The following CDH8 variants were observed in gnomAD, a reference collection of about 807,000 sequenced individuals.
CDH8 encodes cadherin-8.
Under a neutral mutation model 68.1 loss-of-function variants are expected in CDH8, and 17 were observed. That is an observed-to-expected ratio of 0.25 (90% confidence interval 0.17 to 0.37). The LOEUF is 0.37. Ranked by LOEUF, CDH8 falls within the 10% of genes least tolerant of loss-of-function variation. CDH8 has a pLI of 1.00. For synonymous variants in CDH8, 372 were observed against 365.1 expected (o/e 1.02, Z -0.21); for missense variants, 763 against 999.3 (o/e 0.76, Z 3.19).
intron 2 of CDH8, among the ~76,000 whole-genome samples, chr16:61,969,390 G>T (rs1186202909): frequency 6.6e-6 from 1 of 152,096 alleles, no homozygotes; most frequent in East Asian, 1.9e-4. Flanking sequence ...GCACGTAGCT[G>T]GTTTCTTGAA....
At chr16:61,667,100 G>A (rs866920632) in intron 10 of CDH8, 8 of 151,882 alleles carry the variant, frequency 5.3e-5, no homozygotes, top group South Asian at 2.1e-4. Context: ...AATCTGCCAC[G>A]AGCAACTGGA....
At position 61,731,520 on chromosome 16, in the gene CDH8, G is replaced by C. The variant is rs970714429; in HGVS notation, c.1415-4305C>G. 9.2e-5 allele frequency among the ~76,000 whole-genome samples: 14 copies of C among 151,742 alleles called. No individual in the cohort carries two copies. The Admixed American group carries it at 9.2e-4, about 10-fold the overall frequency. ...CCCTGCCAAAACCACTGTATTTCCAGGTGTTTATGTAAATATCCAACACTG... is the reference window on the plus strand; with the variant it reads ...CCCTGCCAAAACCACTGTATTTCCACGTGTTTATGTAAATATCCAACACTG... On this transcript the variant is annotated intron_variant, in intron 8 of 11. Transcript: ENST00000577390.
At chr16:61,947,307 T>G (rs1176246531) in intron 2 of CDH8, among the ~76,000 whole-genome samples, 2 of 152,214 alleles carry the variant, frequency 1.3e-5, no homozygotes, top group African/African-American at 4.8e-5. Context: ...GAATTAAAAA[T>G]TATATTAAAT....
chr16:61,934,503 A>C (rs1194126348), intron 2 of CDH8, among the ~76,000 whole-genome samples: 1 of 152,180 alleles, frequency 6.6e-6, no homozygotes, highest in African/African-American at 2.4e-5. Flanking sequence ...CACATTTCCT[A>C]TGGTATATAT....
At chr16:61,956,624 T>A (rs1293825437) in intron 2 of CDH8, among the ~76,000 whole-genome samples, 2 of 152,230 alleles carry the variant, frequency 1.3e-5, no homozygotes, top group African/African-American at 4.8e-5. Context: ...AGTATTTTTA[T>A]GATGCTGCTT....
intron 8 of CDH8, among the ~76,000 whole-genome samples, chr16:61,755,110 A>T (rs1166709950): frequency 2.0e-5 from 3 of 152,102 alleles, no homozygotes. Context: ...GCAAACAACG[A>T]CTCTTGTGAA....
At chr16:61,769,502 A>G (rs1313483760) in intron 8 of CDH8, among the ~76,000 whole-genome samples, 1 of 151,752 alleles carries the variant, frequency 6.6e-6, no homozygotes, top group Non-Finnish European at 1.5e-5. Flanking sequence ...GCTCTTCACT[A>G]TCATGTGAAA....
chr16:61,713,673 G>A (rs945870387), intron 10 of CDH8, among the ~76,000 whole-genome samples, 168 bp downstream of exon 10: 1 of 151,408 alleles, frequency 6.6e-6, no homozygotes, highest in Non-Finnish European at 1.5e-5. Flanking sequence ...CTTAAATATT[G>A]AAAATAGGAA....
chr16:61,930,025 T>A (rs910808889), intron 2 of CDH8, among the ~76,000 whole-genome samples: 1 of 152,214 alleles, frequency 6.6e-6, no homozygotes, highest in East Asian at 1.9e-4. Flanking sequence ...TCTATGACTC[T>A]GTTCCATAAC....
chr16:61,920,528 G>C, intron 2 of CDH8, among the ~76,000 whole-genome samples: 1 of 115,550 alleles, frequency 8.7e-6, no homozygotes, highest in African/African-American at 3.5e-5. Context: ...GGCCATCAGA[G>C]AAATGCAAAT....
At chr16:61,891,811 G>T (rs1963783641) in intron 3 of CDH8, among the ~76,000 whole-genome samples, 1 of 152,088 alleles carries the variant, frequency 6.6e-6, no homozygotes, top group Non-Finnish European at 1.5e-5. Context: ...TCATCACGCT[G>T]AATGAAACAA....
chr16:61,796,503 T>C (rs1961504393), intron 7 of CDH8, among the ~76,000 whole-genome samples: 1 of 152,084 alleles, frequency 6.6e-6, no homozygotes. Flanking sequence ...GTCACATTAA[T>C]ATCAATTCTA....
intron 10 of CDH8, among the ~76,000 whole-genome samples, chr16:61,670,079 C>T (rs1178665326): frequency 6.6e-6 from 1 of 152,020 alleles, no homozygotes; most frequent in Non-Finnish European, 1.5e-5. Context: ...TTTCCCATCT[C>T]CTACAATCTC....
intron 3 of CDH8, among the ~76,000 whole-genome samples, chr16:61,859,607 T>C (rs558461593): frequency 5.3e-5 from 8 of 152,270 alleles, no homozygotes; most frequent in African/African-American, 1.2e-4. Flanking sequence ...GTTACAACAG[T>C]AGTTCAATTA....
At chr16:61,956,088 AAT>A (rs990782720) in intron 2 of CDH8, among the ~76,000 whole-genome samples, 2 of 152,236 alleles carry the variant, frequency 1.3e-5, no homozygotes, top group African/African-American at 2.4e-5. Flanking sequence ...AAAATATTAA[AAT>A]ATGTTTAACT....
At chr16:61,884,621 G>A (rs922648960) in intron 3 of CDH8, among the ~76,000 whole-genome samples, 23 of 152,142 alleles carry the variant, frequency 1.5e-4, no homozygotes, top group African/African-American at 2.6e-4. Flanking sequence ...TGATCCGCCC[G>A]CCTCAGCATC....
chr16:61,825,549 C>T (rs1962312342), intron 4 of CDH8, among the ~76,000 whole-genome samples: 1 of 151,826 alleles, frequency 6.6e-6, no homozygotes, highest in Admixed American at 6.6e-5. Flanking sequence ...TCACAGATCT[C>T]AATTCCCCCA....
At chr16:62,028,703 G>C (rs1344569775) in intron 1 of CDH8, among the ~76,000 whole-genome samples, 1 of 150,526 alleles carries the variant, frequency 6.6e-6, no homozygotes, top group Non-Finnish European at 1.5e-5. Context: ...TTCTTCTGTT[G>C]GGCTTTTTAA....
At chr16:61,867,005 A>G (rs1369922) in intron 3 of CDH8, among the ~76,000 whole-genome samples, 79,664 of 151,890 alleles carry the variant, frequency 0.52, 22,699 homozygotes, top group African/African-American at 0.76. Context: ...ACATAATAAT[A>G]GTGTAGCTGG....
Sources: allele counts gnomAD v4.1 joint callset (sites outside exome capture counted in the v4.1 genomes callset), GRCh38; gene constraint gnomAD v4.1.1; transcripts MANE v1.5; gene names NCBI Gene and HGNC (gene_info 2026-07-23, HGNC 2026-07-21).